Variants in ANO3 observed in about 807,000 individuals in gnomAD.
ANO3 encodes the protein anoctamin 3.
ANO3 carries 99 observed loss-of-function variants against 144.8 expected under a neutral mutation model. That is an observed-to-expected ratio of 0.68 (90% CI 0.58 to 0.81). The LOEUF (loss-of-function observed/expected upper bound fraction) is 0.81, where lower values mean the gene tolerates loss of function less well. Among genes scored for constraint, ANO3 ranks in the 30% least tolerant of loss-of-function variants. The pLI, the probability that ANO3 is intolerant of heterozygous loss-of-function variation, is 0.00. For missense variants in ANO3, 905 were observed against 1,202.2 expected (o/e 0.75, Z 3.66); for synonymous variants, 414 against 392.6 (o/e 1.05, Z -0.64).
At chr11:26,258,367 A>T (rs1017092652) in intron 1 of ANO3, among the ~76,000 whole-genome samples, 2 of 152,186 alleles carry the variant, frequency 1.3e-5, no homozygotes, top group African/African-American at 4.8e-5. Flanking sequence ...ACCATTCAAC[A>T]CAAATTTATG....
At chr11:26,244,571 C>T (rs1257730669) in intron 1 of ANO3, among the ~76,000 whole-genome samples, 5 of 152,140 alleles carry the variant, frequency 3.3e-5, no homozygotes, top group East Asian at 1.9e-4. Flanking sequence ...ATGCCAGAAG[C>T]TATTCTGTAT....
At chr11:26,587,669 G>A (rs926428460) in intron 14 of ANO3, among the ~76,000 whole-genome samples, 3 of 152,104 alleles carry the variant, frequency 2.0e-5, no homozygotes, top group African/African-American at 4.8e-5. Context: ...GAGTTAAAAA[G>A]GTTGGGGCCA....
chr11:26,339,176 T>TG (rs907645795), intron 1 of ANO3, among the ~76,000 whole-genome samples: 1 of 151,680 alleles, frequency 6.6e-6, no homozygotes, highest in Non-Finnish European at 1.5e-5. Context: ...CTTTTTTTGA[T>TG]GGAGTCTGGC....
At chr11:26,401,505 G>A (rs1312520331) in intron 1 of ANO3, among the ~76,000 whole-genome samples, 1 of 152,020 alleles carries the variant, frequency 6.6e-6, no homozygotes, top group Admixed American at 6.6e-5. Flanking sequence ...TAGTGTCCAA[G>A]CGAGAAGTTG....
chr11:26,307,740 A>G (rs1294121171), upstream of ANO3, among the ~76,000 whole-genome samples: 1 of 148,468 alleles, frequency 6.7e-6, no homozygotes, highest in Non-Finnish European at 1.5e-5. Flanking sequence ...TAATAATAAT[A>G]ATAATAATAA....
In ANO3 at chr11:26,405,033, T is replaced by C. The variant is rs570246664; in HGVS notation, c.47-36885T>C. ...TTTCCTTGTTATTTAAGGAAGTCAT[T>C]ATATGGTAGCCATTATATGGTACTG... On this transcript the variant is annotated intron_variant, in intron 1 of 26. Transcript: ENST00000256737. Among the ~76,000 whole-genome samples the C allele has an allele frequency of 4.0e-5, 6 of 151,568 alleles. No homozygotes were observed. The East Asian group carries it at 1.2e-3, about 30-fold the overall frequency.
intron 4 of ANO3, among the ~76,000 whole-genome samples, chr11:26,491,901 C>A (rs1019430192): frequency 6.6e-6 from 1 of 152,112 alleles, no homozygotes; most frequent in South Asian, 2.1e-4. Flanking sequence ...ATTACATATA[C>A]ATTATTAAAT....
intron 1 of ANO3, among the ~76,000 whole-genome samples, chr11:26,388,825 C>T (rs980927565): frequency 1.2e-4 from 18 of 152,064 alleles, no homozygotes; most frequent in Non-Finnish European, 2.5e-4. Context: ...TAAACATATA[C>T]ATGTTTAGCT....
At chr11:26,404,925 T>TTA (rs555709558) in intron 1 of ANO3, among the ~76,000 whole-genome samples, 3,961 of 56,520 alleles carry the variant, frequency 0.07, 136 homozygotes, top group African/African-American at 0.11. Context: ...AGCAAGGAAT[T>TTA]TATATATATG....
In ANO3 at chr11:26,456,375, G is replaced by C. The variant is rs12283649; in HGVS notation, c.314-6655G>C. Among the ~76,000 whole-genome samples, 1,252 of 151,984 alleles carry C rather than the reference G, an allele frequency of 8.2e-3. 20 individuals carry two copies. Among genetic ancestry groups the C allele is most frequent in the African/African-American group, 0.028 (1,180 of 41,432 alleles). ...TCTACAATGAACTCAAACAAATTTAGAAGAGAAAAACAAACAACCCCATCA... is the reference window on the plus strand; with the variant it reads ...TCTACAATGAACTCAAACAAATTTACAAGAGAAAAACAAACAACCCCATCA... On this transcript the variant is annotated intron_variant, in intron 3 of 26. Transcript: ENST00000256737.
At chr11:26,597,989 G>A (rs1284153027) in intron 14 of ANO3, among the ~76,000 whole-genome samples, 1 of 152,138 alleles carries the variant, frequency 6.6e-6, no homozygotes, top group Non-Finnish European at 1.5e-5. Context: ...TGGACGAGTA[G>A]CATTTGGCCT....
At chr11:26,266,489 A>T (rs1853310405) in intron 1 of ANO3, among the ~76,000 whole-genome samples, 1 of 145,404 alleles carries the variant, frequency 6.9e-6, no homozygotes, top group African/African-American at 2.6e-5. Context: ...GCTGGAGTGC[A>T]GTGGCGCAAT....
At chr11:26,632,323 T>A (rs1590656393) in intron 18 of ANO3, among the ~76,000 whole-genome samples, 1 of 151,638 alleles carries the variant, frequency 6.6e-6, no homozygotes, top group South Asian at 2.1e-4. Context: ...GAGACCAGTC[T>A]GGCCAACATG....
intron 1 of ANO3, among the ~76,000 whole-genome samples, chr11:26,293,389 A>AT (rs552577048): frequency 3.2e-4 from 49 of 151,178 alleles, no homozygotes; most frequent in African/African-American, 1.0e-3. Context: ...TTTAGTGAGC[A>AT]TTTTTTCTCC....
Position 26,315,720 on chromosome 11 carries a change from C to G in ANO3, c.-3+6001C>G, listed in dbSNP as rs139765443. Among the ~76,000 whole-genome samples the G allele has an allele frequency of 2.6e-5, 4 of 151,396 alleles. No homozygotes were observed. The East Asian group carries it at 7.8e-4, about 29-fold the overall frequency. ...ATCTATCTATCTATCTACCTACCTA[C>G]CTATCTACCTACCTACCTAGCTATC... On this transcript the variant is annotated intron_variant, in intron 1 of 26. Transcript: ENST00000525139.
intron 1 of ANO3, among the ~76,000 whole-genome samples, chr11:26,260,123 T>TA (rs1400730937): frequency 6.7e-6 from 1 of 149,102 alleles, no homozygotes; most frequent in African/African-American, 2.5e-5. Context: ...CAGGCCAAGA[T>TA]ACCCCACACA....
At chr11:26,287,726 C>G (rs992047844) in intron 1 of ANO3, among the ~76,000 whole-genome samples, 5 of 152,270 alleles carry the variant, frequency 3.3e-5, no homozygotes, top group African/African-American at 9.6e-5. Flanking sequence ...AAATCCAGAG[C>G]CTTTGTTCTT....
chr11:26,411,994 T>C (rs1030578685), intron 1 of ANO3, among the ~76,000 whole-genome samples: 6 of 152,048 alleles, frequency 3.9e-5, no homozygotes, highest in Non-Finnish European at 7.4e-5. Flanking sequence ...GAGGCTGTAG[T>C]AGACATCAAA....
At chr11:26,398,010 C>T (rs537789103) in intron 1 of ANO3, among the ~76,000 whole-genome samples, 23 of 141,946 alleles carry the variant, frequency 1.6e-4, no homozygotes, top group South Asian at 6.5e-4. Context: ...TAAGGATGGG[C>T]GAAAAAAAAA....
Sources: gnomAD v4.1 joint callset for allele counts (sites outside exome capture counted in the v4.1 genomes callset) on GRCh38, gnomAD v4.1.1 for gene constraint, MANE v1.5 for transcripts, NCBI Gene and HGNC (gene_info 2026-07-23, HGNC 2026-07-21) for gene names.